The following TTC29 variants were observed in gnomAD, a reference collection of about 807,000 sequenced individuals.
TTC29 encodes tetratricopeptide repeat domain 29, also known as tetratricopeptide repeat protein 29.
Under a neutral mutation model 58.1 loss-of-function variants are expected in TTC29, and 49 were observed. The observed-to-expected ratio is 0.84, with a 90% CI of 0.67 to 1.07. TTC29 has a LOEUF of 1.07. TTC29 is among the 50% of genes least tolerant of loss of function. The pLI is 0.00. For missense variants in TTC29, 582 were observed against 555.6 expected (o/e 1.05, Z -0.48); for synonymous variants, 209 against 196.8 (o/e 1.06, Z -0.52).
chr4:146,907,493 T>A (rs1733598500), intron 5 of TTC29, among the ~76,000 whole-genome samples: 1 of 152,026 alleles, frequency 6.6e-6, no homozygotes, highest in Non-Finnish European at 1.5e-5. Flanking sequence ...GGTTGTTTTG[T>A]TTTGTTTTGT....
At chr4:146,870,289 C>CA (rs1402672282) in intron 7 of TTC29, among the ~76,000 whole-genome samples, 1 of 151,588 alleles carries the variant, frequency 6.6e-6, no homozygotes, top group Non-Finnish European at 1.5e-5. Context: ...CAAGGTAAAC[C>CA]AAAAAATACT....
intron 9 of TTC29, among the ~76,000 whole-genome samples, chr4:146,825,942 A>ATTT (rs1727766631): frequency 1.4e-4 from 20 of 139,388 alleles, no homozygotes; most frequent in Non-Finnish European, 2.4e-4. Flanking sequence ...TTTTTTTTTA[A>ATTT]AAAAATTTCC....
chr4:146,822,943 T>C (rs1176671272), intron 9 of TTC29, among the ~76,000 whole-genome samples: 1 of 152,166 alleles, frequency 6.6e-6, no homozygotes, highest in Non-Finnish European at 1.5e-5. Flanking sequence ...CACTGTTTGA[T>C]GGGGTTGTTT....
At chr4:146,757,783 T>C (rs1746564634) in intron 11 of TTC29, among the ~76,000 whole-genome samples, 1 of 152,112 alleles carries the variant, frequency 6.6e-6, no homozygotes, top group Non-Finnish European at 1.5e-5. Context: ...AATTCATCAT[T>C]ACCAAGCTGC....
chr4:146,756,267 T>C (rs992874134), intron 11 of TTC29, among the ~76,000 whole-genome samples: 3 of 112,652 alleles, frequency 2.7e-5, no homozygotes, highest in African/African-American at 1.1e-4. Flanking sequence ...CAAGACTCTG[T>C]CTCAAAAAAA....
chr4:146,753,675 C>T (rs1253179251), intron 11 of TTC29, among the ~76,000 whole-genome samples: 1 of 152,116 alleles, frequency 6.6e-6, no homozygotes, highest in African/African-American at 2.4e-5. Context: ...CAATGATAGA[C>T]TGGATTAAGA....
intron 11 of TTC29, among the ~76,000 whole-genome samples, chr4:146,766,783 A>C (rs545934443): frequency 1.8e-4 from 28 of 152,230 alleles, no homozygotes; most frequent in Admixed American, 6.6e-4. Context: ...CAACCCAAAA[A>C]GAAAATGCAG....
At chr4:146,887,972 C>G (rs779156129) in intron 6 of TTC29, among the ~76,000 whole-genome samples, 2 of 151,866 alleles carry the variant, frequency 1.3e-5, no homozygotes, top group African/African-American at 2.4e-5. Flanking sequence ...TCATGCTCCC[C>G]GAGACAAAGA....
chr4:146,820,272 C>A (rs978418658), intron 9 of TTC29, 24 bp from the exon 10 acceptor site: 1 of 1,604,442 alleles, frequency 6.2e-7, no homozygotes, highest in South Asian at 1.1e-5. Flanking sequence ...AATAGGAAGT[C>A]AATGGAGTAT....
chr4:146,862,341 G>A (rs1014820906), intron 8 of TTC29, among the ~76,000 whole-genome samples: 3 of 151,468 alleles, frequency 2.0e-5, no homozygotes, highest in South Asian at 2.1e-4. Context: ...TAGAAATATT[G>A]TAAGCTAGAA....
chr4:146,852,261 C>T (rs1422126965), intron 8 of TTC29, among the ~76,000 whole-genome samples: 1 of 152,114 alleles, frequency 6.6e-6, no homozygotes, highest in African/African-American at 2.4e-5. Context: ...TTATTAATGC[C>T]AATAAGTAGT....
At chr4:146,929,421 T>G (rs1735160812) in intron 4 of TTC29, among the ~76,000 whole-genome samples, 1 of 151,780 alleles carries the variant, frequency 6.6e-6, no homozygotes, top group Admixed American at 6.6e-5. Flanking sequence ...TGTCAGCTAG[T>G]ATTTCAGTAT....
intron 6 of TTC29, among the ~76,000 whole-genome samples, chr4:146,877,380 T>C (rs1731336196): frequency 6.6e-6 from 1 of 152,194 alleles, no homozygotes; most frequent in African/African-American, 2.4e-5. Context: ...TAAGAAATAA[T>C]GCTCAGTACC....
chr4:146,792,537 C>T (rs1749538202), intron 11 of TTC29, among the ~76,000 whole-genome samples: 1 of 152,130 alleles, frequency 6.6e-6, no homozygotes, highest in Non-Finnish European at 1.5e-5. Context: ...AGATTATAGG[C>T]ACCCAAGATT....
intron 8 of TTC29, among the ~76,000 whole-genome samples, chr4:146,854,916 GC>G (rs1729741479): frequency 6.6e-6 from 1 of 152,106 alleles, no homozygotes; most frequent in South Asian, 2.1e-4. Flanking sequence ...TTGTTCAGGT[GC>G]CAAATGCCAT....
intron 8 of TTC29, among the ~76,000 whole-genome samples, chr4:146,847,458 G>A (rs1729245073): frequency 6.6e-6 from 1 of 152,188 alleles, no homozygotes; most frequent in South Asian, 2.1e-4. Flanking sequence ...CAGATGTAAT[G>A]GCTGCTACTA....
intron 10 of TTC29, among the ~76,000 whole-genome samples, chr4:146,808,197 T>G (rs552366630): frequency 7.2e-5 from 11 of 152,296 alleles, no homozygotes; most frequent in Non-Finnish European, 1.2e-4. Flanking sequence ...CATGCCTTCA[T>G]GCTAAAAACT....
chr4:146,764,559 TTAAAA>T lies in TTC29; in HGVS notation c.1330+38893_1330+38897del, dbSNP rs551019788. ...AATTATTTTAAAAAGAAAAAAAACC[TTAAAA>T]TAGAATCAGTTTAGGAGCGTACCCA... On this transcript the variant is annotated intron_variant, in intron 11 of 12. Coordinates refer to ENST00000325106, the MANE Select transcript of TTC29 (RefSeq NM_031956.4). 9.3e-4 allele frequency among the ~76,000 whole-genome samples: 141 copies of T among 152,206 alleles called. 1 individual carries two copies. Among genetic ancestry groups the T allele is most frequent in the African/African-American group, 3.2e-3 (133 of 41,552 alleles).
chr4:146,735,645 A>G (rs982408211), intron 11 of TTC29, among the ~76,000 whole-genome samples: 8 of 152,178 alleles, frequency 5.3e-5, no homozygotes, highest in African/African-American at 1.4e-4. Flanking sequence ...TATACTTTCT[A>G]TGTAAGCCAT....
Sources: gnomAD v4.1 joint callset for allele counts (sites outside exome capture counted in the v4.1 genomes callset) on GRCh38, gnomAD v4.1.1 for gene constraint, MANE v1.5 for transcripts, NCBI Gene and HGNC (gene_info 2026-07-23, HGNC 2026-07-21) for gene names.